PRKCD: variants seen among roughly 807,000 people sequenced by gnomAD.
PRKCD encodes the protein protein kinase C delta.
A neutral mutation model predicts 82.2 loss-of-function variants in PRKCD; 20 were observed. That is an observed-to-expected ratio of 0.24 (90% CI 0.17 to 0.35). The LOEUF is 0.35. PRKCD is among the 10% of genes least tolerant of loss of function. PRKCD has a pLI of 1.00. For missense variants in PRKCD, 607 were observed against 899.0 expected, an observed-to-expected ratio of 0.68 and a Z score of 4.15; for synonymous variants, 317 against 337.0, an observed-to-expected ratio of 0.94 and a Z score of 0.65.
chr3:53,187,362 T>A lies in PRKCD; in HGVS notation c.1375T>A (p.Cys459Ser). The A allele has an allele frequency of 6.2e-7, 1 of 1,614,074 alleles. No individual in the cohort carries two copies. The highest frequency in any genetic ancestry group is 8.5e-7 in the Non-Finnish European group (1 of 1,180,020). The change falls in exon 15 of 19, where the codon TGT (cysteine) becomes AGT (serine). Residue 459 changes from cysteine (C) to serine (S), a missense_variant. Physicochemically the swap from Cys to Ser is moderately radical, Grantham distance 112. Coordinates refer to ENST00000330452, the MANE Select transcript of PRKCD (RefSeq NM_006254.4). ...RATFYAAEIM[C>S]GLQFLHSKGI... The stretch of plus-strand genomic sequence containing the variant: ...CAGGTTTTATGCCGCTGAGATAATG[T>A]GTGGACTGCAGTTTCTACACAGCAA...
At position 53,161,344 on chromosome 3, in the gene PRKCD, G is replaced by C. The variant is rs1702647521; in HGVS notation, c.-216G>C. The C allele has an allele frequency of 6.7e-6, 1 of 150,048 alleles. No homozygotes were observed. Among genetic ancestry groups the C allele is most frequent in the Non-Finnish European group, 1.5e-5 (1 of 67,288 alleles). 9.3% of individuals were successfully genotyped at this position (150,048 alleles called of 1,614,324 possible). On this transcript the variant is annotated 5_prime_UTR_variant, in exon 1 of 19. Transcript: ENST00000330452. ...CGCTTGGCCCATCCCAGTCAGCGCC[G>C]CGCCGAACCCCGTCCGCGCGCGCCG...
intron 18 of PRKCD, among the ~76,000 whole-genome samples, chr3:53,191,226 A>AC (rs1703913443): frequency 6.6e-6 from 1 of 152,062 alleles, no homozygotes; most frequent in South Asian, 2.1e-4. Context: ...ACATGGTGAA[A>AC]CCCCGTCTCT....
chr3:53,189,021 T>C (rs1553670155), intron 16 of PRKCD, 37 bp from the exon 17 acceptor site: 1 of 1,590,428 alleles, frequency 6.3e-7, no homozygotes, highest in East Asian at 2.2e-5. Context: ...CCTCAGCACC[T>C]CAGCTCCTGC....
chr3:53,175,960 T>A (rs561809790), intron 2 of PRKCD, among the ~76,000 whole-genome samples: 14 of 152,294 alleles, frequency 9.2e-5, no homozygotes, highest in Non-Finnish European at 1.9e-4. Flanking sequence ...CGCAGCTTGC[T>A]TTTCACTCCA....
intron 3 of PRKCD, 116 bp from the exon 4 acceptor site, chr3:53,179,461 A>G (rs781975389): frequency 1.5e-6 from 2 of 1,362,004 alleles, no homozygotes; most frequent in South Asian, 2.3e-5. Context: ...GGGGAACCAC[A>G]GCAGGCCCTC....
At chr3:53,161,620 G>A (rs916529182) in intron 1 of PRKCD, 192 bp downstream of exon 1, 1 of 151,758 alleles carries the variant, frequency 6.6e-6, no homozygotes, top group East Asian at 2.0e-4. Flanking sequence ...CCGCTAGACA[G>A]TGGGGGCTGA....
At chr3:53,183,888 C>T (rs1405047546) in intron 9 of PRKCD, among the ~76,000 whole-genome samples, 2 of 152,218 alleles carry the variant, frequency 1.3e-5, no homozygotes, top group African/African-American at 4.8e-5. Context: ...TGGTGCACAC[C>T]GACAGGCGCC....
chr3:53,178,619 C>T (rs1405534578), intron 3 of PRKCD, 82 bp downstream of exon 3: 3 of 1,167,252 alleles, frequency 2.6e-6, no homozygotes, highest in Non-Finnish European at 3.6e-6. Flanking sequence ...GGCCTTGTTC[C>T]CTGCAACCTC....
At position 53,189,180 on chromosome 3, in the gene PRKCD, C is replaced by T; in HGVS notation, c.1677C>T (p.Ser559=). The T allele has an allele frequency of 6.2e-7, 1 of 1,613,916 alleles. No homozygotes were observed. Among genetic ancestry groups the T allele is most frequent in the South Asian group, 1.1e-5 (1 of 91,070 alleles). The change falls in exon 17 of 19, where the codon TCC becomes TCT. Residue 559 remains serine (S), a synonymous_variant. Transcript: ENST00000330452. ...HGDDEDELFE[S]IRVDTPHYPR... ...ATGATGAGGATGAACTCTTCGAGTC[C>T]ATCCGTGTGGACACGCCACATTATC...
intron 11 of PRKCD, 91 bp downstream of exon 11, chr3:53,185,791 A>T: frequency 6.5e-7 from 1 of 1,534,430 alleles, no homozygotes; most frequent in Non-Finnish European, 9.0e-7. Flanking sequence ...CAAGTGAGAC[A>T]TGGAAGGAAC....
Position 53,192,370 on chromosome 3 carries a change from C to G in PRKCD, c.*104C>G. 7.0e-7 allele frequency: 1 copy of G among 1,418,806 alleles called. No individual in the cohort carries two copies. The highest frequency in any genetic ancestry group is 9.8e-7 in the Non-Finnish European group (1 of 1,024,704). The allele number at this position is 1,418,806 out of a possible 1,614,324, so 87.9% of individuals were successfully genotyped here. On this transcript the variant is annotated 3_prime_UTR_variant, in exon 19 of 19. Transcript: ENST00000330452. ...GGTGACTTCTGCTGCTGGCCCCGCC[C>G]CTGCCCCCAGAGCGTCCTTGGCTGC...
intron 17 of PRKCD, among the ~76,000 whole-genome samples, chr3:53,189,610 T>C (rs782734494): frequency 2.0e-5 from 3 of 152,180 alleles, no homozygotes; most frequent in Non-Finnish European, 4.4e-5. Context: ...TAGAAACATA[T>C]GATGCTCAGC....
intron 2 of PRKCD, among the ~76,000 whole-genome samples, chr3:53,172,276 C>T (rs1311271074): frequency 6.6e-6 from 1 of 152,082 alleles, no homozygotes; most frequent in African/African-American, 2.4e-5. Flanking sequence ...GGCCTCCTTG[C>T]CTTGTTTCCG....
intron 1 of PRKCD, among the ~76,000 whole-genome samples, chr3:53,162,695 CGT>C (rs34874901): frequency 0.64 from 94,703 of 147,776 alleles, 31,020 homozygotes; most frequent in East Asian, 0.74. Flanking sequence ...TCACCAGACT[CGT>C]GTGTGTGTGT....
chr3:53,187,682 C>T (rs1279951727), intron 15 of PRKCD, among the ~76,000 whole-genome samples: 2 of 152,144 alleles, frequency 1.3e-5, no homozygotes, highest in Admixed American at 6.5e-5. Flanking sequence ...GAAGCCCCAT[C>T]GAGTCATCTA....
rs1189196856 is a variant in PRKCD at position 53,169,500 on chromosome 3, A to G, written c.-20+4285A>G. On this transcript the variant is annotated intron_variant, in intron 2 of 18. Coordinates refer to ENST00000330452, the MANE Select transcript of PRKCD (RefSeq NM_006254.4). The surrounding 1 kb of genome is among the most constrained non-coding windows in gnomAD (Gnocchi z 4.7). The stretch of plus-strand genomic sequence containing the variant: ...TTCACAACAGCTCCGGAAGCTTTGG[A>G]TCATGTCTATGGCCGTGTTGGGTAA... Among the ~76,000 whole-genome samples the G allele has an allele frequency of 6.6e-6, 1 of 152,146 alleles. No homozygotes were observed. Among genetic ancestry groups the G allele is most frequent in the Non-Finnish European group, 1.5e-5 (1 of 68,030 alleles).
intron 2 of PRKCD, among the ~76,000 whole-genome samples, chr3:53,166,763 A>G (rs1702846309): frequency 6.6e-6 from 1 of 152,208 alleles, no homozygotes; most frequent in Admixed American, 6.5e-5. Context: ...GATCTCAGTA[A>G]GGGGGGCTGG....
At chr3:53,165,427 G>A (rs1702801625) in intron 2 of PRKCD, among the ~76,000 whole-genome samples, 1 of 152,252 alleles carries the variant, frequency 6.6e-6, no homozygotes, top group South Asian at 2.1e-4. Flanking sequence ...TAACCTGGCT[G>A]TGGCCCCAGA....
At chr3:53,185,728 G>C (rs369764009) in intron 11 of PRKCD, 28 bp downstream of exon 11, 2 of 1,606,288 alleles carry the variant, frequency 1.2e-6, no homozygotes, top group Non-Finnish European at 1.7e-6. Flanking sequence ...GCCCCATTAC[G>C]GTTTTTATTC....
Sources: allele counts gnomAD v4.1 joint callset (sites outside exome capture counted in the v4.1 genomes callset), GRCh38; gene constraint gnomAD v4.1.1; non-coding constraint Gnocchi (gnomAD v3.1); transcripts MANE v1.5; gene names NCBI Gene and HGNC (gene_info 2026-07-23, HGNC 2026-07-21).